The following APP variants were observed in gnomAD, a reference collection of about 807,000 sequenced individuals.
The protein encoded by APP is amyloid beta precursor protein.
In APP, 31 loss-of-function variants were observed where a neutral mutation model predicts 101.4. That is an observed-to-expected ratio of 0.31 (90% CI 0.23 to 0.41). APP has a LOEUF of 0.41. Among genes scored for constraint, APP ranks in the 10% least tolerant of loss-of-function variants. The pLI is 1.00. For synonymous variants in APP, 366 were observed against 364.4 expected (o/e 1.00, Z -0.05); for missense variants, 839 against 1,003.7 (o/e 0.84, Z 2.22).
At chr21:26,048,937 G>A (rs954740966) in intron 5 of APP, among the ~76,000 whole-genome samples, 2 of 152,160 alleles carry the variant, frequency 1.3e-5, no homozygotes, top group African/African-American at 2.4e-5. Flanking sequence ...AAAGCCTAGA[G>A]AAAGAAAAGG....
At chr21:25,907,185 A>G (rs914067829) in intron 14 of APP, among the ~76,000 whole-genome samples, 6 of 152,196 alleles carry the variant, frequency 3.9e-5, no homozygotes, top group Non-Finnish European at 8.8e-5. Flanking sequence ...TATTATTTAA[A>G]AACAATAATA....
At position 26,167,887 on chromosome 21, in the gene APP, T is replaced by A. The variant is rs1193825418; in HGVS notation, c.57+2677A>T. Among the ~76,000 whole-genome samples, 4 of 152,164 alleles carry A rather than the reference T, an allele frequency of 2.6e-5. No individual in the cohort carries two copies. The South Asian group carries it at 8.3e-4, about 32-fold the overall frequency. On this transcript the variant is annotated intron_variant, in intron 1 of 17. Transcript: ENST00000346798. ...GTCTGCCAGTTATCATGGTTTCTCA[T>A]CGATTAGCAAGAACCGTGACTCCTT...
chr21:25,923,635 C>A (rs1159277925), intron 13 of APP, among the ~76,000 whole-genome samples: 1 of 142,004 alleles, frequency 7.0e-6, no homozygotes, highest in East Asian at 2.1e-4. Context: ...AAAAAATGCT[C>A]ACCATCACTG....
intron 11 of APP, among the ~76,000 whole-genome samples, chr21:25,957,222 T>C (rs553290190): frequency 6.6e-6 from 1 of 152,308 alleles, no homozygotes; most frequent in East Asian, 1.9e-4. Flanking sequence ...ACAACTCTCA[T>C]CTGAACTGTG....
At chr21:25,924,654 C>G (rs2039804603) in intron 13 of APP, among the ~76,000 whole-genome samples, 1 of 38,768 alleles carries the variant, frequency 2.6e-5, no homozygotes, top group South Asian at 1.3e-3. Context: ...GGACAAATAC[C>G]TAATGCATGC....
chr21:26,109,803 C>T (rs573506819), intron 2 of APP, among the ~76,000 whole-genome samples: 1 of 152,214 alleles, frequency 6.6e-6, no homozygotes, highest in South Asian at 2.1e-4. Context: ...AACTTAGATG[C>T]AAACTATGAC....
At chr21:25,986,641 G>A (rs562264210) in intron 8 of APP, among the ~76,000 whole-genome samples, 3 of 152,196 alleles carry the variant, frequency 2.0e-5, no homozygotes, top group Non-Finnish European at 2.9e-5. Context: ...CGGAGGTTGC[G>A]GTGAGCCGAG....
intron 15 of APP, among the ~76,000 whole-genome samples, chr21:25,898,266 A>G (rs576843285): frequency 6.6e-6 from 1 of 152,318 alleles, no homozygotes; most frequent in East Asian, 1.9e-4. Context: ...AAAGAGCTAT[A>G]GTACATAATT....
intron 13 of APP, among the ~76,000 whole-genome samples, chr21:25,929,835 A>C (rs2040065362): frequency 6.6e-6 from 1 of 152,190 alleles, no homozygotes; most frequent in African/African-American, 2.4e-5. Context: ...CTAAAGGCAT[A>C]ATCTCCTGGA....
At chr21:25,904,965 AC>A in intron 15 of APP, 58 bp downstream of exon 15, 1 of 1,440,258 alleles carries the variant, frequency 6.9e-7, no homozygotes, top group Admixed American at 1.7e-5. Flanking sequence ...AAAGGAGACA[AC>A]GTCTGCTCGA....
chr21:26,140,244 C>T (rs1219646447), intron 1 of APP: 1 of 1,536,088 alleles, frequency 6.5e-7, no homozygotes. Context: ...ACATCAGCAA[C>T]TGTGGAATAC....
At chr21:26,164,699 T>C (rs1569053049) in intron 1 of APP, among the ~76,000 whole-genome samples, 2 of 151,808 alleles carry the variant, frequency 1.3e-5, no homozygotes, top group Non-Finnish European at 2.9e-5. Flanking sequence ...ACTTAAAAAA[T>C]ACAAAAATTA....
intron 3 of APP, among the ~76,000 whole-genome samples, chr21:26,058,326 T>A (rs1027605956): frequency 6.6e-6 from 1 of 152,172 alleles, no homozygotes; most frequent in Non-Finnish European, 1.5e-5. Flanking sequence ...GCCATTACTG[T>A]GATCTGGTCA....
intron 2 of APP, among the ~76,000 whole-genome samples, chr21:26,096,239 A>G (rs2061939766): frequency 6.6e-6 from 1 of 152,208 alleles, no homozygotes; most frequent in East Asian, 1.9e-4. Flanking sequence ...AGTGTGCCTC[A>G]CATCGCTATT....
At chr21:25,971,486 G>C (rs925521593) in intron 11 of APP, among the ~76,000 whole-genome samples, 1 of 152,238 alleles carries the variant, frequency 6.6e-6, no homozygotes, top group Admixed American at 6.5e-5. Flanking sequence ...AACCCACACA[G>C]AGCCTAGAGG....
At chr21:26,110,217 G>C (rs1191432837) in intron 2 of APP, among the ~76,000 whole-genome samples, 1 of 152,138 alleles carries the variant, frequency 6.6e-6, no homozygotes, top group Non-Finnish European at 1.5e-5. Flanking sequence ...GGCTGACATG[G>C]GTGGATCACA....
At position 25,959,360 on chromosome 21, in the gene APP, G is replaced by A. The variant is rs560518705; in HGVS notation, c.1459-3605C>T. ...AGGCAGGAGAATTGTTTGAACCTGG[G>A]AGGCGGAGCTTGCAGTGACCTGAGA... is the stretch of plus-strand genomic sequence containing the variant. On this transcript the variant is annotated intron_variant, in intron 11 of 17. Transcript: ENST00000346798. Among the ~76,000 whole-genome samples, 3 of 152,360 alleles carry A rather than the reference G, an allele frequency of 2.0e-5. No homozygotes were observed. In the East Asian group the frequency reaches 5.8e-4, roughly 29 times the overall value.
chr21:26,092,198 C>G (rs1268704164), intron 2 of APP, among the ~76,000 whole-genome samples: 1 of 152,026 alleles, frequency 6.6e-6, no homozygotes, highest in Non-Finnish European at 1.5e-5. Context: ...ATTAAAAATT[C>G]TTAATCTCAA....
At chr21:26,089,730 G>C in intron 3 of APP, 1 of 553,146 alleles carries the variant, frequency 1.8e-6, no homozygotes, top group African/African-American at 1.9e-5. Context: ...ATACACCCTG[G>C]GTAAATTCAT....
Sources: allele counts gnomAD v4.1 joint callset (sites outside exome capture counted in the v4.1 genomes callset), GRCh38; gene constraint gnomAD v4.1.1; transcripts MANE v1.5; gene names NCBI Gene and HGNC (gene_info 2026-07-23, HGNC 2026-07-21).